Variants in PSD3 observed in about 807,000 individuals in gnomAD.
PSD3 encodes the protein pleckstrin and Sec7 domain containing 3.
In PSD3, 49 loss-of-function variants were observed where a neutral mutation model predicts 105.5. That is an observed-to-expected ratio of 0.46 (90% CI 0.37 to 0.59). The LOEUF (loss-of-function observed/expected upper bound fraction) is 0.59, where lower values mean the gene tolerates loss of function less well. Ranked by LOEUF, PSD3 falls within the 20% of genes least tolerant of loss-of-function variation. The pLI is 0.00. For synonymous variants in PSD3, 557 were observed against 457.8 expected, an observed-to-expected ratio of 1.22 and a Z score of -2.77; for missense variants, 1,561 against 1,263.8, an observed-to-expected ratio of 1.24 and a Z score of -3.57.
intron 4 of PSD3, among the ~76,000 whole-genome samples, chr8:18,832,951 C>T (rs2046956): frequency 0.037 from 5,708 of 152,244 alleles, 116 homozygotes; most frequent in Admixed American, 0.068. Context: ...TGGGTGGGGA[C>T]ACAGCCAAAC....
chr8:18,591,199 C>G (rs1271407770), intron 12 of PSD3, among the ~76,000 whole-genome samples: 3 of 152,146 alleles, frequency 2.0e-5, no homozygotes, highest in Non-Finnish European at 4.4e-5. Context: ...ACATCAACCC[C>G]TCCCTGAAGC....
chr8:19,073,302 G>A (rs1563545498), intron 1 of PSD3, among the ~76,000 whole-genome samples: 2 of 152,100 alleles, frequency 1.3e-5, no homozygotes, highest in South Asian at 2.1e-4. Context: ...TGTAATCCCA[G>A]TACTCTGGGA....
chr8:18,946,550 C>T (rs1271975430), intron 1 of PSD3, among the ~76,000 whole-genome samples: 1 of 124,522 alleles, frequency 8.0e-6, no homozygotes, highest in Non-Finnish European at 1.7e-5. Flanking sequence ...CACTGCACTC[C>T]AGCCTGGGCA....
chr8:18,541,179 G>C (rs1364667646), intron 15 of PSD3, among the ~76,000 whole-genome samples: 1 of 146,412 alleles, frequency 6.8e-6, no homozygotes, highest in Non-Finnish European at 1.5e-5. Context: ...AAAACCTTTT[G>C]ATTTCCTCCT....
intron 4 of PSD3, among the ~76,000 whole-genome samples, chr8:18,841,735 C>T (rs1485781707): frequency 6.6e-6 from 1 of 152,124 alleles, no homozygotes; most frequent in Non-Finnish European, 1.5e-5. Context: ...CATGAATGAA[C>T]CATCTTCAGG....
At chr8:18,778,014 T>C (rs935620783) in intron 8 of PSD3, among the ~76,000 whole-genome samples, 3 of 152,222 alleles carry the variant, frequency 2.0e-5, no homozygotes, top group Admixed American at 6.5e-5. Context: ...ATTATGTATA[T>C]ATGTTACATT....
At chr8:18,926,819 G>C (rs531553894) in intron 2 of PSD3, among the ~76,000 whole-genome samples, 1 of 151,986 alleles carries the variant, frequency 6.6e-6, no homozygotes, top group South Asian at 2.1e-4. Context: ...CTATCTACCC[G>C]GATATGGCAT....
In PSD3 at chr8:18,875,541, C is replaced by CT. The variant is rs972080881; in HGVS notation, c.131-2809dup. On this transcript the variant is annotated intron_variant, in intron 2 of 15. Coordinates refer to ENST00000327040, the MANE Select transcript of PSD3 (RefSeq NM_015310.4). The stretch of plus-strand genomic sequence containing the variant: ...CTATCACCACTATCTAATTCTAGAA[C>CT]TTTTTTTTTTTTTGAGATGGAGTCT... Among the ~76,000 whole-genome samples the CT allele has an allele frequency of 4.3e-3, 629 of 145,240 alleles. 6 individuals carry two copies. The highest frequency in any genetic ancestry group is 0.012 in the African/African-American group (491 of 39,870).
intron 9 of PSD3, among the ~76,000 whole-genome samples, chr8:18,749,558 C>A (rs1007808687): frequency 6.7e-6 from 1 of 150,334 alleles, no homozygotes; most frequent in Non-Finnish European, 1.5e-5. Context: ...TAAGGTTACT[C>A]ATCAACTAAC....
At chr8:18,582,313 G>A (rs531190781) in intron 12 of PSD3, among the ~76,000 whole-genome samples, 1 of 152,084 alleles carries the variant, frequency 6.6e-6, no homozygotes, top group Non-Finnish European at 1.5e-5. Flanking sequence ...CTGAATTGAC[G>A]TGGCACTCTC....
chr8:18,562,602 T>C (rs1247538723), intron 14 of PSD3, among the ~76,000 whole-genome samples: 1 of 152,124 alleles, frequency 6.6e-6, no homozygotes, highest in East Asian at 1.9e-4. Flanking sequence ...AAAACCTCTG[T>C]TACAGGCTGG....
At chr8:18,735,064 G>A (rs2129432576) in intron 9 of PSD3, among the ~76,000 whole-genome samples, 1 of 152,310 alleles carries the variant, frequency 6.6e-6, no homozygotes, top group African/African-American at 2.4e-5. Flanking sequence ...TTAGCATACA[G>A]AATCAGAAAC....
At chr8:18,706,453 G>A (rs1386398701) in intron 9 of PSD3, among the ~76,000 whole-genome samples, 2 of 152,076 alleles carry the variant, frequency 1.3e-5, no homozygotes, top group Non-Finnish European at 2.9e-5. Flanking sequence ...CAAACTAAAA[G>A]GAATTGATTC....
chr8:18,560,983 A>G (rs1212890861), intron 14 of PSD3, among the ~76,000 whole-genome samples: 5 of 152,148 alleles, frequency 3.3e-5, no homozygotes, highest in Non-Finnish European at 5.9e-5. Flanking sequence ...AGGATACAAC[A>G]TTTATCCTCA....
intron 11 of PSD3, among the ~76,000 whole-genome samples, chr8:18,624,219 C>T (rs1030111162): frequency 6.6e-6 from 1 of 152,030 alleles, no homozygotes; most frequent in African/African-American, 2.4e-5. Context: ...ACCACTAATA[C>T]TTTTGCAGGG....
intron 9 of PSD3, among the ~76,000 whole-genome samples, chr8:18,732,636 A>G (rs866286951): frequency 1.9e-4 from 29 of 152,166 alleles, no homozygotes; most frequent in African/African-American, 7.0e-4. Flanking sequence ...CCTTCCTTAC[A>G]TGGTGGCTCC....
intron 11 of PSD3, among the ~76,000 whole-genome samples, chr8:18,607,008 A>G (rs1804888090): frequency 1.3e-5 from 2 of 152,220 alleles, no homozygotes; most frequent in African/African-American, 4.8e-5. Context: ...ACTGTACAGG[A>G]CAATTAAGTA....
intron 10 of PSD3, among the ~76,000 whole-genome samples, chr8:18,650,980 T>G (rs1808428646): frequency 6.6e-6 from 1 of 152,192 alleles, no homozygotes; most frequent in Non-Finnish European, 1.5e-5. Context: ...GACCTATTGA[T>G]GAACACTTCT....
chr8:18,854,689 A>T (rs1402296603), intron 4 of PSD3, among the ~76,000 whole-genome samples: 1 of 152,220 alleles, frequency 6.6e-6, no homozygotes, highest in East Asian at 1.9e-4. Context: ...AAATAGATTT[A>T]AGTCATTAAT....
Sources: allele counts gnomAD v4.1 joint callset (sites outside exome capture counted in the v4.1 genomes callset), GRCh38; gene constraint gnomAD v4.1.1; transcripts MANE v1.5; gene names NCBI Gene and HGNC (gene_info 2026-07-23, HGNC 2026-07-21).